EP300: variants seen among roughly 807,000 people sequenced by gnomAD.
EP300 encodes histone acetyltransferase p300.
A neutral mutation model predicts 264.0 loss-of-function variants in EP300; 31 were observed. That is an observed-to-expected ratio of 0.12 (90% CI 0.09 to 0.16). The LOEUF (loss-of-function observed/expected upper bound fraction) is 0.16. Among genes scored for constraint, EP300 ranks in the 10% least tolerant of loss-of-function variants. EP300 has a pLI of 1.00. For synonymous variants in EP300, 1,340 were observed against 1,045.4 expected, an observed-to-expected ratio of 1.28 and a Z score of -5.44; for missense variants, 2,766 against 3,052.9, an observed-to-expected ratio of 0.91 and a Z score of 2.21.
At chr22:41,104,272 T>G (rs1050327140) in intron 1 of EP300, among the ~76,000 whole-genome samples, 2 of 151,972 alleles carry the variant, frequency 1.3e-5, no homozygotes, top group Non-Finnish European at 2.9e-5. Flanking sequence ...TAAATAATAG[T>G]GTCTTCATCA....
chr22:41,125,414 G>A (rs1409573295), intron 2 of EP300, among the ~76,000 whole-genome samples: 2 of 150,808 alleles, frequency 1.3e-5, no homozygotes, highest in Admixed American at 6.6e-5. Context: ...CACTGCGCCC[G>A]GCTGTTTTTT....
chr22:41,147,637 C>A (rs1184795110), intron 11 of EP300, among the ~76,000 whole-genome samples, 200 bp from the exon 12 acceptor site: 1 of 151,954 alleles, frequency 6.6e-6, no homozygotes, highest in Non-Finnish European at 1.5e-5. Context: ...ACTCAGGAGG[C>A]TGAGGCAGGA....
rs1215537200 is a variant in EP300 at position 41,147,895 on chromosome 22, CCCT to C, written c.2195_2197del (p.Pro732del). ...AGCCCCCTATTGTACCCCGGCAAAC[CCCT>C]CCTCTTCAGCACCATGGACAGTTGG... On this transcript the variant is annotated inframe_deletion, in exon 12 of 31. Coordinates refer to ENST00000263253, the MANE Select transcript of EP300 (RefSeq NM_001429.4). 1 of 1,613,982 alleles carries C rather than the reference CCCT, an allele frequency of 6.2e-7. No homozygotes were observed. Among genetic ancestry groups the C allele is most frequent in the South Asian group, 1.1e-5 (1 of 91,068 alleles).
At chr22:41,110,512 T>G (rs2058783865) in intron 1 of EP300, among the ~76,000 whole-genome samples, 1 of 149,808 alleles carries the variant, frequency 6.7e-6, no homozygotes, top group Non-Finnish European at 1.5e-5. Context: ...AGGCTGGTCT[T>G]GAACACCTGG....
In EP300 at chr22:41,142,854, C is replaced by A. The variant is rs899202689; in HGVS notation, c.2053+1632C>A. ...TGAGCCGAGATTGTGCCTCTGCACT[C>A]CAGCCTGGGCAACAGAGCGAGACTC... On this transcript the variant is annotated intron_variant, in intron 10 of 30. Transcript: ENST00000263253. Among the ~76,000 whole-genome samples, 5 of 152,108 alleles carry A rather than the reference C, an allele frequency of 3.3e-5. No individual in the cohort carries two copies. The East Asian group carries it at 9.7e-4, about 29-fold the overall frequency.
chr22:41,150,458 C>T (rs556361027), intron 14 of EP300, among the ~76,000 whole-genome samples: 2 of 152,120 alleles, frequency 1.3e-5, no homozygotes, highest in South Asian at 2.1e-4. Flanking sequence ...TCTGAAGGTA[C>T]GTAAAGGGGT....
intron 1 of EP300, among the ~76,000 whole-genome samples, chr22:41,113,638 C>A (rs6002262): frequency 6.6e-6 from 1 of 151,894 alleles, no homozygotes; most frequent in Non-Finnish European, 1.5e-5. Context: ...ACTCTGTCTC[C>A]CGGGTTCATG....
chr22:41,135,222 G>C (rs1183594357), intron 6 of EP300, among the ~76,000 whole-genome samples: 1 of 152,116 alleles, frequency 6.6e-6, no homozygotes, highest in East Asian at 1.9e-4. Context: ...TCCATGTTAC[G>C]CAGAATGCAC....
At chr22:41,108,249 T>TCTTTTTC (rs199973884) in intron 1 of EP300, among the ~76,000 whole-genome samples, 15 of 130,406 alleles carry the variant, frequency 1.2e-4, no homozygotes, top group African/African-American at 5.3e-4. Flanking sequence ...TTTTTCTTTT[T>TCTTTTTC]TTTTTTTTTT....
chr22:41,172,022 C>CTAA (rs1344056609), intron 27 of EP300, among the ~76,000 whole-genome samples: 3 of 152,164 alleles, frequency 2.0e-5, no homozygotes, highest in Non-Finnish European at 4.4e-5. Context: ...AGAAGTTTTC[C>CTAA]TAAGCAGCCC....
At position 41,177,033 on chromosome 22, in the gene EP300, A is replaced by G; in HGVS notation, c.5322A>G (p.Lys1774=). 6.2e-7 allele frequency: 1 copy of G among 1,614,148 alleles called. No homozygotes were observed. ...AGCATACCAAGGGTTGCAAACGGAA[A>G]ACCAATGGCGGGTGCCCCATCTGCA... is the stretch of plus-strand genomic sequence containing the variant. ...VVQHTKGCKR[K]TNGGCPICKQ... is the part of the protein sequence containing the mutation. Residue 1774 remains lysine (K), a synonymous_variant, in exon 31 of 31, where the codon AAA becomes AAG. Coordinates refer to ENST00000263253, the MANE Select transcript of EP300 (RefSeq NM_001429.4).
At chr22:41,175,261 T>C (rs2059193652) in intron 29 of EP300, among the ~76,000 whole-genome samples, 1 of 94,130 alleles carries the variant, frequency 1.1e-5, no homozygotes. Context: ...CAGCGAACAT[T>C]GCTGGCCAGA....
chr22:41,153,517 G>A (rs770439745), intron 16 of EP300, among the ~76,000 whole-genome samples: 5 of 152,076 alleles, frequency 3.3e-5, no homozygotes, highest in Non-Finnish European at 1.5e-5. Flanking sequence ...TTGGGAGGCC[G>A]AGCGGGCAGA....
At chr22:41,144,363 T>A (rs1020268514) in intron 10 of EP300, among the ~76,000 whole-genome samples, 1 of 152,138 alleles carries the variant, frequency 6.6e-6, no homozygotes, top group African/African-American at 2.4e-5. Flanking sequence ...TATTTATATA[T>A]ATACATTTTT....
At position 41,179,026 on chromosome 22, in the gene EP300, A is replaced by AT. The variant is rs1160178750; in HGVS notation, c.*77dup. On this transcript the variant is annotated 3_prime_UTR_variant, in exon 31 of 31. Transcript: ENST00000263253. ...AACAAGACTTTTTGTACTGAAAACA[A>AT]TTTTTTTGAATCTTTCGTAGCCTAA... 28 of 1,575,654 alleles carry AT rather than the reference A, an allele frequency of 1.8e-5. No individual in the cohort carries two copies. The East Asian group carries it at 4.3e-4, about 24-fold the overall frequency.
chr22:41,150,290 C>A, intron 14 of EP300, 92 bp downstream of exon 14: 1 of 1,393,994 alleles, frequency 7.2e-7, no homozygotes, highest in Non-Finnish European at 9.8e-7. Flanking sequence ...TTTGCTTTAT[C>A]TCTTACTGTT....
At chr22:41,117,903 T>C (rs1346430008) in intron 2 of EP300, 82 bp downstream of exon 2, 1 of 1,597,546 alleles carries the variant, frequency 6.3e-7, no homozygotes, top group African/African-American at 1.3e-5. Flanking sequence ...CCTTACATTG[T>C]ATAGCAGTTT....
At chr22:41,093,165 T>A in intron 1 of EP300, 67 bp downstream of exon 1, 1 of 1,508,852 alleles carries the variant, frequency 6.6e-7, no homozygotes, top group South Asian at 1.1e-5. Context: ...GCCTTTATTC[T>A]TCCATTTTTT....
intron 25 of EP300, 38 bp from the exon 26 acceptor site, chr22:41,169,465 C>CT (rs748268311): frequency 2.9e-4 from 403 of 1,373,904 alleles, no homozygotes; most frequent in Non-Finnish European, 3.7e-4. Context: ...TGTGACCTGA[C>CT]TTTTTTTTTC....
Sources: gnomAD v4.1 joint callset for allele counts (sites outside exome capture counted in the v4.1 genomes callset) on GRCh38, gnomAD v4.1.1 for gene constraint, MANE v1.5 for transcripts, NCBI Gene and HGNC (gene_info 2026-07-23, HGNC 2026-07-21) for gene names.